LAMC1: variants seen among roughly 807,000 people sequenced by gnomAD.
LAMC1 encodes laminin subunit gamma 1, also known as laminin subunit gamma-1.
Under a neutral mutation model 173.6 loss-of-function variants are expected in LAMC1, and 38 were observed. That is an observed-to-expected ratio of 0.22 (90% CI 0.17 to 0.29). The LOEUF is 0.29. LAMC1 is among the 10% of genes least tolerant of loss of function. The pLI, the probability that LAMC1 is intolerant of heterozygous loss-of-function variation, is 1.00. For missense variants in LAMC1, 1,824 were observed against 2,051.8 expected (o/e 0.89, Z 2.14); for synonymous variants, 746 against 749.1 (o/e 1.00, Z 0.07).
chr1:183,121,703 C>T lies in LAMC1; in HGVS notation c.1991-20C>T. 6.3e-7 allele frequency: 1 copy of T among 1,592,134 alleles called. No homozygotes were observed. Among genetic ancestry groups the T allele is most frequent in the Non-Finnish European group, 8.6e-7 (1 of 1,165,808 alleles). On this transcript the variant is annotated intron_variant, in intron 11 of 27. Coordinates refer to ENST00000258341, the MANE Select transcript of LAMC1 (RefSeq NM_002293.4). Reference sequence around the variant, plus strand: ...GAAAACAAGCCAGTTCAGTGATTTTCTTTTCCTCACTATACACAGGTGCTG... The same window carrying T: ...GAAAACAAGCCAGTTCAGTGATTTTTTTTTCCTCACTATACACAGGTGCTG...
intron 1 of LAMC1, among the ~76,000 whole-genome samples, chr1:183,084,216 G>GC (rs1655363896): frequency 6.6e-6 from 1 of 152,040 alleles, no homozygotes; most frequent in Non-Finnish European, 1.5e-5. Flanking sequence ...GTGGCGGGCC[G>GC]CCCGTAGTCC....
At chr1:183,124,493 G>A (rs978600131) in intron 13 of LAMC1, 138 bp from the exon 14 acceptor site, 5 of 1,034,868 alleles carry the variant, frequency 4.8e-6, no homozygotes, top group African/African-American at 4.7e-5. Flanking sequence ...CAGGGCTGCA[G>A]CCCAGGTCCT....
intron 1 of LAMC1, among the ~76,000 whole-genome samples, chr1:183,046,964 T>C (rs537342646): frequency 2.0e-4 from 30 of 152,302 alleles, no homozygotes; most frequent in African/African-American, 6.7e-4. Context: ...TTCTGTAAGC[T>C]ACCTCACTTT....
At position 183,112,465 on chromosome 1, in the gene LAMC1, A is replaced by T. The variant is rs73053855; in HGVS notation, c.1021+1811A>T. ...TGTAGCTAAAGGACTTTGATGAGGA[A>T]CTAAGTCAATTTGCTTTTCTCGTTG... On this transcript the variant is annotated intron_variant, in intron 4 of 27. Transcript: ENST00000258341. Among the ~76,000 whole-genome samples the T allele has an allele frequency of 8.2e-3, 1,254 of 152,278 alleles. 12 individuals carry two copies. Among genetic ancestry groups the T allele is most frequent in the African/African-American group, 0.029 (1,197 of 41,552 alleles).
intron 1 of LAMC1, among the ~76,000 whole-genome samples, chr1:183,045,185 G>A (rs937664427): frequency 6.8e-6 from 1 of 147,564 alleles, no homozygotes; most frequent in African/African-American, 2.5e-5. Flanking sequence ...ATGAATTATT[G>A]TTTTGTACTT....
At chr1:183,121,358 G>A (rs915013376) in intron 11 of LAMC1, among the ~76,000 whole-genome samples, 9 of 152,104 alleles carry the variant, frequency 5.9e-5, no homozygotes, top group South Asian at 4.1e-4. Flanking sequence ...CCCAGGAGGC[G>A]GAGATTGCAG....
intron 1 of LAMC1, among the ~76,000 whole-genome samples, chr1:183,033,489 G>A (rs192773162): frequency 7.9e-5 from 12 of 152,286 alleles, no homozygotes; most frequent in African/African-American, 2.9e-4. Context: ...TCTTTGTGTG[G>A]CATATGCTTT....
intron 1 of LAMC1, among the ~76,000 whole-genome samples, chr1:183,074,815 C>T (rs982806318): frequency 1.3e-5 from 2 of 151,742 alleles, no homozygotes; most frequent in Non-Finnish European, 1.5e-5. Context: ...TTTAGTGCTG[C>T]AAAAAAGAAA....
intron 1 of LAMC1, among the ~76,000 whole-genome samples, chr1:183,075,817 A>T (rs975792993): frequency 6.6e-6 from 1 of 152,180 alleles, no homozygotes; most frequent in Non-Finnish European, 1.5e-5. Context: ...GAGTAGCCAC[A>T]AGCATTTGAT....
chr1:183,057,958 G>T (rs1654639801), intron 1 of LAMC1, among the ~76,000 whole-genome samples: 1 of 152,026 alleles, frequency 6.6e-6, no homozygotes. Context: ...ATCACAATTG[G>T]AAGTCCTCTT....
intron 20 of LAMC1, 21 bp from the exon 21 acceptor site, chr1:183,132,379 T>A: frequency 6.3e-7 from 1 of 1,589,798 alleles, no homozygotes; most frequent in Non-Finnish European, 8.6e-7. Flanking sequence ...TCATGGCTTA[T>A]TTTTTGTTTT....
At chr1:183,118,010 A>G (rs1656369574) in intron 10 of LAMC1, 24 bp from the exon 11 acceptor site, 2 of 1,373,116 alleles carry the variant, frequency 1.5e-6, no homozygotes, top group South Asian at 2.4e-5. Flanking sequence ...ACAGAGGTTA[A>G]TGTGGCCCTT....
intron 1 of LAMC1, among the ~76,000 whole-genome samples, chr1:183,071,933 C>G (rs1484772687): frequency 6.6e-6 from 1 of 152,158 alleles, no homozygotes; most frequent in Non-Finnish European, 1.5e-5. Flanking sequence ...ACTTCTGAAA[C>G]AATGATTCTG....
chr1:183,142,094 A>G (rs1217386131), intron 27 of LAMC1, among the ~76,000 whole-genome samples: 2 of 152,214 alleles, frequency 1.3e-5, no homozygotes, highest in African/African-American at 2.4e-5. Context: ...AAACTGACCC[A>G]TCTTCCCTGG....
intron 1 of LAMC1, among the ~76,000 whole-genome samples, chr1:183,069,207 A>G (rs1182817496): frequency 6.6e-6 from 1 of 152,194 alleles, no homozygotes; most frequent in Non-Finnish European, 1.5e-5. Flanking sequence ...GCATATAAGC[A>G]TTTTAACTTG....
At chr1:183,024,209 C>A (rs1653617886) in intron 1 of LAMC1, 75 bp downstream of exon 1, 1 of 1,423,682 alleles carries the variant, frequency 7.0e-7, no homozygotes, top group Middle Eastern at 1.9e-4. Context: ...GTCCCAGTGG[C>A]CGGCCTCACG....
rs1469694457 is a variant in LAMC1 at position 183,034,726 on chromosome 1, T to C, written c.418+10592T>C. Reference sequence around the variant, plus strand: ...GAAGGTTGAGTTGTTTGAATAAAGATCTAAAAGTAGTTAGATAATGGTGAA... The same window carrying C: ...GAAGGTTGAGTTGTTTGAATAAAGACCTAAAAGTAGTTAGATAATGGTGAA... On this transcript the variant is annotated intron_variant, in intron 1 of 27. Coordinates refer to ENST00000258341, the MANE Select transcript of LAMC1 (RefSeq NM_002293.4). 8.5e-5 allele frequency among the ~76,000 whole-genome samples: 13 copies of C among 152,144 alleles called. 1 individual carries two copies.
rs1438099967 is a variant in LAMC1, at chr1:183,142,520, T to C, written c.4574-14T>C. On this transcript the variant is annotated splice_polypyrimidine_tract_variant and intron_variant, in intron 27 of 27. Transcript: ENST00000258341. The stretch of plus-strand genomic sequence containing the variant: ...ATATGTCTGTTCTCTTCTATGTACT[T>C]TCTGACCCTCCAGGGCAGCTGGATA... 1 of 1,598,398 alleles carries C rather than the reference T, an allele frequency of 6.3e-7. No homozygotes were observed.
intron 1 of LAMC1, among the ~76,000 whole-genome samples, chr1:183,093,696 TG>T (rs1304882005): frequency 6.6e-6 from 1 of 152,218 alleles, no homozygotes; most frequent in Non-Finnish European, 1.5e-5. Flanking sequence ...AGAGGTTTCG[TG>T]GGTATCTTCA....
Sources: gnomAD v4.1 joint callset for allele counts (sites outside exome capture counted in the v4.1 genomes callset) on GRCh38, gnomAD v4.1.1 for gene constraint, MANE v1.5 for transcripts, NCBI Gene and HGNC (gene_info 2026-07-23, HGNC 2026-07-21) for gene names.